The following RDX variants were observed in gnomAD, a reference collection of about 807,000 sequenced individuals.
The protein encoded by RDX is deafness, autosomal recessive 24.
In RDX, 32 loss-of-function variants were observed where a neutral mutation model predicts 83.7. That is an observed-to-expected ratio of 0.38 (90% CI 0.29 to 0.51). The LOEUF (loss-of-function observed/expected upper bound fraction) is 0.51, where lower values mean the gene tolerates loss of function less well. Among genes scored for constraint, RDX ranks in the 20% least tolerant of loss-of-function variants. The pLI is 0.87. For missense variants in RDX, 600 were observed against 689.9 expected, an observed-to-expected ratio of 0.87 and a Z score of 1.46; for synonymous variants, 229 against 222.7, an observed-to-expected ratio of 1.03 and a Z score of -0.25.
At chr11:110,178,672 AG>A (rs1862823869) in intron 15 of RDX, among the ~76,000 whole-genome samples, 1 of 152,206 alleles carries the variant, frequency 6.6e-6, no homozygotes, top group Non-Finnish European at 1.5e-5. Flanking sequence ...TACAGAAGCA[AG>A]GAGGCATGAC....
At chr11:110,237,309 A>T (rs1184977990) in intron 11 of RDX, among the ~76,000 whole-genome samples, 183 bp downstream of exon 11, 2 of 152,034 alleles carry the variant, frequency 1.3e-5, no homozygotes, top group Non-Finnish European at 1.5e-5. Flanking sequence ...TTGTATTTTT[A>T]GGTTTTTGTT....
At chr11:110,271,562 G>C (rs1376545945) in intron 3 of RDX, among the ~76,000 whole-genome samples, 7 of 152,064 alleles carry the variant, frequency 4.6e-5, no homozygotes, top group Admixed American at 3.9e-4. Flanking sequence ...AACATTATCT[G>C]GGAAGCTTAA....
chr11:110,233,411 A>G lies in RDX; in HGVS notation c.1413T>C (p.Pro471=), dbSNP rs751528863. Residue 471 remains proline, a synonymous_variant, in exon 13 of 14, where the codon CCT becomes CCC. Coordinates refer to ENST00000645495, the MANE Select transcript of RDX (RefSeq NM_002906.4). ...EELKTVMSAP[P]PPPPPPVIPP... is the part of the protein sequence containing the mutation. ...GAATGACTGGTGGTGGTGGAGGTGG[A>G]GGGGGGGCAGACATCACAGTTTTTA... 1.3e-5 allele frequency: 21 copies of G among 1,613,750 alleles called. No homozygotes were observed. Among genetic ancestry groups the G allele is most frequent in the Middle Eastern group, 1.6e-4 (1 of 6,074 alleles).
intron 1 of RDX, among the ~76,000 whole-genome samples, chr11:110,290,900 C>G (rs73557627): frequency 1.3e-5 from 2 of 152,188 alleles, no homozygotes; most frequent in Non-Finnish European, 2.9e-5. Context: ...TAACAAGAAT[C>G]AACACTTTTC....
chr11:110,200,707 G>A (rs1267843146), intron 14 of RDX, among the ~76,000 whole-genome samples: 1 of 152,164 alleles, frequency 6.6e-6, no homozygotes. Flanking sequence ...GTCAAAGATT[G>A]TAATAAAGGA....
Position 110,264,065 on chromosome 11 carries a change from G to C in RDX, c.362C>G (p.Thr121Ser). The C allele has an allele frequency of 3.1e-6, 5 of 1,613,712 alleles. No individual in the cohort carries two copies. The highest frequency in any genetic ancestry group is 4.2e-6 in the Non-Finnish European group (5 of 1,179,704). Residue 121 changes from threonine (T) to serine (S), a missense_variant, in exon 5 of 14, where the codon ACT (threonine) becomes AGT (serine). Transcript: ENST00000645495. ...LNDEIYCPPE[T>S]AVLLASYAVQ... ...AGCATAGGAAGCCAAAAGAACTGCA[G>C]TTTCTGGCGGGCAATATATCTCATC... is the stretch of plus-strand genomic sequence containing the variant.
chr11:110,293,252 G>A (rs1365117664), intron 1 of RDX, among the ~76,000 whole-genome samples: 1 of 152,142 alleles, frequency 6.6e-6, no homozygotes, highest in East Asian at 1.9e-4. Context: ...AGGAATTGCC[G>A]ACAGCAGCTA....
At chr11:110,202,595 CT>C (rs58793509) in intron 14 of RDX, among the ~76,000 whole-genome samples, 2,348 of 121,260 alleles carry the variant, frequency 0.019, 52 homozygotes, top group African/African-American at 0.057. Context: ...ATTTTTCTTT[CT>C]TTTTTTTTTT....
intron 14 of RDX, among the ~76,000 whole-genome samples, chr11:110,211,185 A>C (rs1042069099): frequency 6.6e-6 from 1 of 152,228 alleles, no homozygotes; most frequent in Non-Finnish European, 1.5e-5. Context: ...AGGGGTTGCA[A>C]TCCTAGTCTC....
chr11:110,182,472 A>G (rs1213171190), intron 15 of RDX, among the ~76,000 whole-genome samples: 1 of 152,086 alleles, frequency 6.6e-6, no homozygotes, highest in Non-Finnish European at 1.5e-5. Flanking sequence ...GTGGTGGCAC[A>G]CACCTGTAGT....
chr11:110,291,294 G>A (rs1459081671), intron 1 of RDX, among the ~76,000 whole-genome samples: 3 of 152,136 alleles, frequency 2.0e-5, no homozygotes, highest in African/African-American at 4.8e-5. Flanking sequence ...CTATGATCAT[G>A]CCACTGTACT....
chr11:110,237,121 A>ATATATTATATAACTATAACATATATC (rs1864885796), intron 11 of RDX, among the ~76,000 whole-genome samples: 2 of 149,342 alleles, frequency 1.3e-5, no homozygotes, highest in South Asian at 2.1e-4. Flanking sequence ...TATATCTATA[A>ATATATTATATAACTATAACATATATC]TATATTATAT....
rs76975296 is a variant in RDX at position 110,207,468 on chromosome 11, C to T, written c.1749-7790G>A. 6.6e-3 allele frequency among the ~76,000 whole-genome samples: 1,009 copies of T among 152,274 alleles called. 14 individuals are homozygous for T. The highest frequency in any genetic ancestry group is 0.023 in the African/African-American group (975 of 41,532). ...AAATAAGACCTCCCTAGGGTCACAT[C>T]AAAATATTAATAGTCATCCAGACAG... On this transcript the variant is annotated intron_variant, in intron 14 of 15. Transcript: ENST00000528498.
chr11:110,236,383 A>G, intron 11 of RDX, 192 bp from the exon 12 acceptor site: 2 of 532,140 alleles, frequency 3.8e-6, no homozygotes, highest in East Asian at 6.4e-5. Flanking sequence ...CTAAGGAGAC[A>G]AAATTAAAAA....
At chr11:110,242,586 A>G (rs1865144240) in intron 10 of RDX, among the ~76,000 whole-genome samples, 1 of 152,212 alleles carries the variant, frequency 6.6e-6, no homozygotes, top group Non-Finnish European at 1.5e-5. Flanking sequence ...ATTCCCCAAT[A>G]TTCATTTTAT....
At chr11:110,291,931 A>T (rs2134455071) in intron 1 of RDX, among the ~76,000 whole-genome samples, 1 of 152,286 alleles carries the variant, frequency 6.6e-6, no homozygotes, top group South Asian at 2.1e-4. Flanking sequence ...AGTCTGAGGC[A>T]GGATGATCAT....
intron 14 of RDX, among the ~76,000 whole-genome samples, chr11:110,219,595 T>C (rs1864176427): frequency 6.6e-6 from 1 of 152,156 alleles, no homozygotes; most frequent in Admixed American, 6.5e-5. Context: ...TTATGTATCT[T>C]GAATGCTGGG....
chr11:110,244,235 G>A (rs759707904), intron 10 of RDX, among the ~76,000 whole-genome samples: 2 of 151,598 alleles, frequency 1.3e-5, no homozygotes, highest in Non-Finnish European at 2.9e-5. Context: ...GGTGGTGGAC[G>A]CCTGTAATCC....
rs540339541 is a variant in RDX, at chr11:110,223,362, T to C, written c.1748+8511A>G. 1.9e-4 allele frequency among the ~76,000 whole-genome samples: 28 copies of C among 150,786 alleles called. 1 individual carries two copies. Among genetic ancestry groups the C allele is most frequent in the Admixed American group, 1.9e-3 (28 of 15,134 alleles). On this transcript the variant is annotated intron_variant, in intron 14 of 15. Transcript: ENST00000528498. ...AGCGAGACTCCATCTCAAAAAATAA[T>C]AATAAAAAACAAAAAAATTAGCCAG...
Sources: gnomAD v4.1 joint callset for allele counts (sites outside exome capture counted in the v4.1 genomes callset) on GRCh38, gnomAD v4.1.1 for gene constraint, MANE v1.5 for transcripts, NCBI Gene and HGNC (gene_info 2026-07-23, HGNC 2026-07-21) for gene names.